DAB1: variants seen among roughly 807,000 people sequenced by gnomAD.
The protein encoded by DAB1 is DAB adaptor protein 1.
DAB1 carries 15 observed loss-of-function variants against 64.6 expected under a neutral mutation model. The observed-to-expected ratio is 0.23, with a 90% CI of 0.16 to 0.36. The LOEUF (loss-of-function observed/expected upper bound fraction) is 0.36. DAB1 is among the 10% of genes least tolerant of loss of function. The pLI is 1.00. For synonymous variants in DAB1, 235 were observed against 251.9 expected, an observed-to-expected ratio of 0.93 and a Z score of 0.64; for missense variants, 596 against 706.7, an observed-to-expected ratio of 0.84 and a Z score of 1.78.
rs546540943 is a variant in DAB1, at chr1:58,317,248, G to A, written n.309+26104C>T. Reference sequence around the variant, plus strand: ...GGGAGCTGAGTGTTTGGTCTCACCCGCTCTGTGCTCCCTAATGTCCATAAT... The same window carrying A: ...GGGAGCTGAGTGTTTGGTCTCACCCACTCTGTGCTCCCTAATGTCCATAAT... On this transcript the variant is annotated intron_variant and non_coding_transcript_variant, in intron 4 of 20. Coordinates refer to the DAB1 transcript ENST00000485760. Among the ~76,000 whole-genome samples the A allele has an allele frequency of 7.9e-5, 12 of 152,340 alleles. No homozygotes were observed. The South Asian group carries it at 1.0e-3, about 13-fold the overall frequency.
chr1:57,714,360 C>A (rs1231931472), intron 6 of DAB1, among the ~76,000 whole-genome samples: 3 of 152,104 alleles, frequency 2.0e-5, no homozygotes, highest in African/African-American at 7.2e-5. Context: ...AAGCTCTGAA[C>A]TACTATGATA....
chr1:58,125,378 A>G (rs1209349813), intron 5 of DAB1, among the ~76,000 whole-genome samples: 1 of 152,016 alleles, frequency 6.6e-6, no homozygotes, highest in Non-Finnish European at 1.5e-5. Context: ...CTCTGAGTAG[A>G]GTACAATCAT....
chr1:58,123,109 A>T (rs1054782877), intron 5 of DAB1, among the ~76,000 whole-genome samples: 30 of 152,256 alleles, frequency 2.0e-4, no homozygotes, highest in African/African-American at 7.2e-4. Context: ...TTGTTACACA[A>T]TTCACCCCTT....
At chr1:57,974,751 C>T (rs756822897) in intron 5 of DAB1, among the ~76,000 whole-genome samples, 4 of 152,060 alleles carry the variant, frequency 2.6e-5, no homozygotes, top group Non-Finnish European at 5.9e-5. Flanking sequence ...ATCATCTATA[C>T]ATTTATGTGT....
At chr1:57,673,887 A>G (rs1395430077) in intron 6 of DAB1, among the ~76,000 whole-genome samples, 1 of 152,164 alleles carries the variant, frequency 6.6e-6, no homozygotes, top group African/African-American at 2.4e-5. Flanking sequence ...GGTATTTTCT[A>G]TTCTTGAGCG....
intron 4 of DAB1, among the ~76,000 whole-genome samples, chr1:58,156,294 G>A (rs1488179976): frequency 6.6e-6 from 1 of 152,180 alleles, no homozygotes; most frequent in African/African-American, 2.4e-5. Flanking sequence ...AGTGAAACCA[G>A]ATGCCTCAGA....
chr1:57,099,482 C>T (rs1654470463), intron 4 of DAB1, among the ~76,000 whole-genome samples: 1 of 152,146 alleles, frequency 6.6e-6, no homozygotes, highest in Non-Finnish European at 1.5e-5. Context: ...GAATGAAACA[C>T]TAATAGTGTA....
intron 6 of DAB1, among the ~76,000 whole-genome samples, chr1:57,692,563 G>T (rs186612549): frequency 1.3e-5 from 2 of 151,918 alleles, no homozygotes; most frequent in Admixed American, 6.6e-5. Flanking sequence ...AAAGAGAGAT[G>T]GAAATAGTAA....
At chr1:57,035,290 T>C (rs1440238950) in intron 9 of DAB1, among the ~76,000 whole-genome samples, 4 of 152,158 alleles carry the variant, frequency 2.6e-5, no homozygotes, top group Non-Finnish European at 5.9e-5. Context: ...GTCCAAAATC[T>C]CATTACATCT....
chr1:57,077,303 A>G (rs982243359), intron 4 of DAB1, among the ~76,000 whole-genome samples: 1 of 152,146 alleles, frequency 6.6e-6, no homozygotes, highest in Non-Finnish European at 1.5e-5. Flanking sequence ...TCAGAGAAAG[A>G]TCCATGTCTG....
intron 2 of DAB1, among the ~76,000 whole-genome samples, chr1:57,217,416 T>C (rs1267251713): frequency 6.6e-6 from 1 of 152,198 alleles, no homozygotes; most frequent in African/African-American, 2.4e-5. Context: ...CTGAATTATA[T>C]GTCCTTATCG....
At chr1:58,031,552 C>T (rs1469367880) in intron 5 of DAB1, among the ~76,000 whole-genome samples, 1 of 152,180 alleles carries the variant, frequency 6.6e-6, no homozygotes, top group Non-Finnish European at 1.5e-5. Context: ...GGCTTCAGCC[C>T]TCAGCTGCCA....
chr1:57,577,839 A>G (rs1315706865), intron 7 of DAB1, among the ~76,000 whole-genome samples: 2 of 152,188 alleles, frequency 1.3e-5, no homozygotes, highest in Non-Finnish European at 2.9e-5. Flanking sequence ...CTTTTAGTCC[A>G]GCTTAGGGCT....
intron 4 of DAB1, among the ~76,000 whole-genome samples, chr1:58,232,880 T>C (rs977128666): frequency 1.1e-4 from 16 of 152,230 alleles, no homozygotes; most frequent in African/African-American, 3.9e-4. Context: ...CTTTGTTCCC[T>C]GCTTTTCTCT....
chr1:57,946,773 G>C (rs951875296), intron 5 of DAB1, among the ~76,000 whole-genome samples: 34 of 152,166 alleles, frequency 2.2e-4, no homozygotes, highest in Middle Eastern at 3.4e-3. Context: ...ATCTCTTTTT[G>C]GTTATTCTAA....
chr1:57,865,566 T>C (rs1408046525), intron 1 of DAB1, among the ~76,000 whole-genome samples: 1 of 152,054 alleles, frequency 6.6e-6, no homozygotes, highest in Non-Finnish European at 1.5e-5. Flanking sequence ...CTGGGCATGA[T>C]AAACTCTCCC....
intron 6 of DAB1, among the ~76,000 whole-genome samples, chr1:57,792,328 T>C (rs929051601): frequency 6.6e-6 from 1 of 152,246 alleles, no homozygotes; most frequent in Non-Finnish European, 1.5e-5. Context: ...TTTATTTTTA[T>C]GCCCACCATA....
intron 4 of DAB1, among the ~76,000 whole-genome samples, chr1:58,166,411 T>C (rs1655834923): frequency 6.6e-6 from 1 of 152,246 alleles, no homozygotes. Flanking sequence ...TAGAATTGTA[T>C]GTGATGTTTT....
chr1:57,955,314 T>C (rs1052887488), intron 5 of DAB1, among the ~76,000 whole-genome samples: 1 of 152,122 alleles, frequency 6.6e-6, no homozygotes. Flanking sequence ...CTTAGTGGCA[T>C]TGCTTAATAT....
Sources: allele counts gnomAD v4.1 joint callset (sites outside exome capture counted in the v4.1 genomes callset), GRCh38; gene constraint gnomAD v4.1.1; transcripts MANE v1.5; gene names NCBI Gene and HGNC (gene_info 2026-07-23, HGNC 2026-07-21).